Variants in BRCA1 observed in about 807,000 individuals in gnomAD.
BRCA1 encodes BRCA1 DNA repair associated.
In BRCA1, 140 loss-of-function variants were observed where a neutral mutation model predicts 173.7. The observed-to-expected ratio is 0.81, with a 90% confidence interval of 0.70 to 0.93. The LOEUF (loss-of-function observed/expected upper bound fraction) is 0.93, where lower values mean the gene tolerates loss of function less well. BRCA1 is among the 40% of genes least tolerant of loss of function. BRCA1 has a pLI of 0.00. For missense variants in BRCA1, 1,983 were observed against 2,172.5 expected (o/e 0.91, Z 1.73); for synonymous variants, 662 against 756.0 (o/e 0.88, Z 2.04).
At chr17:43,054,867 C>T (rs781476731) in intron 19 of BRCA1, among the ~76,000 whole-genome samples, 36 of 151,902 alleles carry the variant, frequency 2.4e-4, no homozygotes, top group South Asian at 8.3e-4. Context: ...CTCAGCCTCC[C>T]GAGTAATCCT....
At chr17:43,051,423 T>A (rs2051232129) in intron 19 of BRCA1, among the ~76,000 whole-genome samples, 1 of 152,122 alleles carries the variant, frequency 6.6e-6, no homozygotes. Flanking sequence ...CCAAGGCTCC[T>A]CCCTAATGAT....
chr17:43,101,291 G>A (rs1471177614), intron 6 of BRCA1, among the ~76,000 whole-genome samples: 1 of 151,402 alleles, frequency 6.6e-6, no homozygotes, highest in Non-Finnish European at 1.5e-5. Flanking sequence ...CTGTCTCCTG[G>A]GTTCAAGTGA....
At chr17:43,147,783 A>G (rs1262676664) in intron 1 of BRCA1, among the ~76,000 whole-genome samples, 1 of 148,542 alleles carries the variant, frequency 6.7e-6, no homozygotes, top group African/African-American at 2.6e-5. Flanking sequence ...CACATATCCT[A>G]CCTTCCATCA....
At chr17:43,049,074 G>T in intron 21 of BRCA1, 47 bp downstream of exon 21, 1 of 1,567,870 alleles carries the variant, frequency 6.4e-7, no homozygotes, top group Non-Finnish European at 8.8e-7. Flanking sequence ...TTGCTCACAG[G>T]AGAGAATATT....
intron 3 of BRCA1, among the ~76,000 whole-genome samples, chr17:43,107,062 A>ATTT (rs35202419): frequency 0.01 from 1,279 of 126,800 alleles, 48 homozygotes; most frequent in Non-Finnish European, 0.013. Flanking sequence ...TACCAAGACA[A>ATTT]TTTTTTTTTT....
chr17:43,058,561 G>T (rs909545738), intron 18 of BRCA1, among the ~76,000 whole-genome samples: 2 of 152,100 alleles, frequency 1.3e-5, no homozygotes, highest in African/African-American at 4.8e-5. Flanking sequence ...TTAACAATCG[G>T]CTTTTCACCT....
intron 3 of BRCA1, chr17:43,110,376 C>G (rs1597905061): frequency 9.0e-6 from 2 of 222,386 alleles, no homozygotes; most frequent in East Asian, 1.1e-4. Flanking sequence ...GGGTTAAGCC[C>G]AAAGTTCAAG....
At chr17:43,143,013 CATATATATGTATATATGTGTGT>C (rs1426428365) in intron 1 of BRCA1, among the ~76,000 whole-genome samples, 4 of 136,800 alleles carry the variant, frequency 2.9e-5, no homozygotes, top group South Asian at 2.3e-4. Context: ...TATATGTGTG[CATATATATGTATATATGTGTGT>C]ATATATATGT....
chr17:43,045,414 G>A lies in BRCA1; in HGVS notation c.*264C>T, dbSNP rs371540942. ...ATCAGCATCTTGCTCAATTGGTGGC[G>A]TTTAAATGGTTTTAAAATCTTCTCA... is the stretch of plus-strand genomic sequence containing the variant. On this transcript the variant is annotated 3_prime_UTR_variant, in exon 23 of 23. Coordinates refer to ENST00000357654, the MANE Select transcript of BRCA1 (RefSeq NM_007294.4). 9.0e-5 allele frequency: 60 copies of A among 665,218 alleles called. No homozygotes were observed. Among genetic ancestry groups the A allele is most frequent in the South Asian group, 3.3e-4 (22 of 66,412 alleles). 41.2% of individuals were successfully genotyped at this position (665,218 alleles called of 1,614,324 possible).
chr17:43,052,535 T>G (rs1432895833), intron 19 of BRCA1, among the ~76,000 whole-genome samples: 1 of 151,948 alleles, frequency 6.6e-6, no homozygotes, highest in Non-Finnish European at 1.5e-5. Flanking sequence ...CTGGCATAGG[T>G]TCTTAGCAAA....
chr17:43,165,409 G>A (rs2056260069), intron 1 of BRCA1, among the ~76,000 whole-genome samples: 1 of 151,238 alleles, frequency 6.6e-6, no homozygotes, highest in South Asian at 2.1e-4. Context: ...AGGTGAAAAT[G>A]TACATCCTTA....
chr17:43,131,720 CAA>C (rs869203377), intron 1 of BRCA1, among the ~76,000 whole-genome samples: 12 of 132,786 alleles, frequency 9.0e-5, no homozygotes, highest in South Asian at 2.4e-4. Flanking sequence ...GACTCCGTCT[CAA>C]AAAAAAAAAA....
intron 15 of BRCA1, among the ~76,000 whole-genome samples, chr17:43,070,178 C>T (rs2052322742): frequency 6.6e-6 from 1 of 152,114 alleles, no homozygotes; most frequent in African/African-American, 2.4e-5. Flanking sequence ...GGTGATCTGA[C>T]CACCTCAGCC....
At chr17:43,164,768 C>T (rs755602785) in intron 1 of BRCA1, 3 of 151,916 alleles carry the variant, frequency 2.0e-5, no homozygotes, top group East Asian at 1.9e-4. Flanking sequence ...TTCCACCTTT[C>T]GATGAGAATG....
rs187992882 is a variant in BRCA1, at chr17:43,125,347, C to A, written c.-96G>T. On this transcript the variant is annotated 5_prime_UTR_variant, in exon 1 of 23. Transcript: ENST00000357654. Reference sequence around the variant, plus strand: ...CTGAGAAACCCCACAGCCTGTCCCCCGTCCAGGAAGTCTCAGCGAGCTCAC... The same window carrying A: ...CTGAGAAACCCCACAGCCTGTCCCCAGTCCAGGAAGTCTCAGCGAGCTCAC... 2 of 440,774 alleles carry A rather than the reference C, an allele frequency of 4.5e-6. No individual in the cohort carries two copies. Among genetic ancestry groups the A allele is most frequent in the East Asian group, 7.1e-5 (1 of 13,990 alleles). The allele number at this position is 440,774 out of a possible 1,614,324, so 27.3% of individuals were successfully genotyped here.
intron 19 of BRCA1, among the ~76,000 whole-genome samples, chr17:43,055,104 C>A (rs1277464838): frequency 6.6e-6 from 1 of 152,122 alleles, no homozygotes; most frequent in African/African-American, 2.4e-5. Flanking sequence ...GAAAAGCAGA[C>A]TGGGAACATA....
chr17:43,129,379 G>C (rs2055945543), upstream of BRCA1, among the ~76,000 whole-genome samples: 1 of 152,238 alleles, frequency 6.6e-6, no homozygotes, highest in South Asian at 2.1e-4. Flanking sequence ...AGCTGGAGGA[G>C]CTCCAGAATA....
Position 43,047,678 on chromosome 17 carries a change from T to C in BRCA1, c.5432A>G (p.Gln1811Arg), listed in dbSNP as rs80357040. 6.2e-7 allele frequency: 1 copy of C among 1,614,234 alleles called. No individual in the cohort carries two copies. Among genetic ancestry groups the C allele is most frequent in the Non-Finnish European group, 8.5e-7 (1 of 1,180,044 alleles). ...GTGVHPIVVV[Q>R]PDAWTEDNGF... ...ATTGTCCTCTGTCCAGGCATCTGGC[T>C]GCACAACCACAATTGGGTGGACACC... The change falls in exon 22 of 23, where the codon CAG becomes CGG. Residue 1811 changes from glutamine to arginine, a missense_variant. Coordinates refer to ENST00000357654, the MANE Select transcript of BRCA1 (RefSeq NM_007294.4).
rs876659228 is a variant in BRCA1, at chr17:43,082,475, T to C, written c.4286A>G (p.Tyr1429Cys). The change falls in exon 12 of 23, where the codon TAC (tyrosine) becomes TGC (cysteine). Residue 1429 changes from tyrosine to cysteine, a missense_variant. Physicochemically the swap from Tyr to Cys is radical, Grantham distance 194 (BLOSUM62 -2). Transcript: ENST00000357654. ...AGAAGAGTCACTTATGATGGAAGGG[T>C]AGCTGTTAGAAGGCTGGCTCCCATG... is the stretch of plus-strand genomic sequence containing the variant. ...EQHGSQPSNS[Y>C]PSIISDSSAL... 1.9e-6 allele frequency: 3 copies of C among 1,614,168 alleles called. No individual in the cohort carries two copies. Among genetic ancestry groups the C allele is most frequent in the South Asian group, 2.2e-5 (2 of 91,084 alleles).
Sources: allele counts gnomAD v4.1 joint callset (sites outside exome capture counted in the v4.1 genomes callset), GRCh38; gene constraint gnomAD v4.1.1; transcripts MANE v1.5; gene names NCBI Gene and HGNC (gene_info 2026-07-23, HGNC 2026-07-21).